The following WWOX variants were observed in gnomAD, a reference collection of about 807,000 sequenced individuals.
The protein encoded by WWOX is WW domain-containing oxidoreductase.
WWOX carries 69 observed loss-of-function variants against 46.2 expected under a neutral mutation model. The ratio of observed to expected loss-of-function variants is 1.49; its 90% CI spans 1.23 to 1.82. WWOX has a LOEUF of 1.82. Ranked by LOEUF, WWOX falls within the 40% of genes most tolerant of loss-of-function variation. The pLI is 0.00. For missense variants in WWOX, 919 were observed against 542.6 expected, an observed-to-expected ratio of 1.69 and a Z score of -6.89; for synonymous variants, 359 against 202.6, an observed-to-expected ratio of 1.77 and a Z score of -6.56.
intron 4 of WWOX, among the ~76,000 whole-genome samples, chr16:78,149,320 T>G (rs1447563264): frequency 6.6e-6 from 1 of 152,204 alleles, no homozygotes; most frequent in Non-Finnish European, 1.5e-5. Flanking sequence ...AGTCTATAAT[T>G]GTAAACTATT....
intron 8 of WWOX, among the ~76,000 whole-genome samples, chr16:78,737,668 C>T (rs1227926313): frequency 6.6e-6 from 1 of 152,114 alleles, no homozygotes; most frequent in East Asian, 1.9e-4. Context: ...TCCCAGTCTA[C>T]AGGGTTATAT....
Position 78,338,038 on chromosome 16 carries a change from T to C in WWOX, c.517-48822T>C, listed in dbSNP as rs776527459. ...GTTTCTTTTGTTCTTTTAAAACATA[T>C]ATAAAATTATTTTTATCAAACATGA... On this transcript the variant is annotated intron_variant, in intron 5 of 8. Transcript: ENST00000566780. Among the ~76,000 whole-genome samples the C allele has an allele frequency of 4.1e-5, 5 of 120,748 alleles. 1 individual carries two copies. The South Asian group carries it at 7.3e-4, about 18-fold the overall frequency. The allele number at this position is 120,748 out of a possible 152,430, so 79.2% of individuals were successfully genotyped here.
At chr16:78,956,630 TATC>T (rs930915774) in intron 8 of WWOX, among the ~76,000 whole-genome samples, 1 of 152,204 alleles carries the variant, frequency 6.6e-6, no homozygotes. Flanking sequence ...TATCATATCA[TATC>T]ATACCGAATA....
At chr16:78,965,495 G>A (rs575951590) in intron 8 of WWOX, among the ~76,000 whole-genome samples, 14 of 151,894 alleles carry the variant, frequency 9.2e-5, no homozygotes, top group African/African-American at 3.1e-4. Context: ...ACTTGAACCC[G>A]GAAAGTAGCG....
intron 8 of WWOX, among the ~76,000 whole-genome samples, chr16:78,522,492 T>C (rs1293556327): frequency 1.3e-5 from 2 of 152,186 alleles, no homozygotes; most frequent in Non-Finnish European, 2.9e-5. Context: ...CCGATGTCAC[T>C]CTTCTCTGTC....
intron 8 of WWOX, among the ~76,000 whole-genome samples, chr16:78,969,269 C>CA (rs2046423541): frequency 7.0e-6 from 1 of 142,594 alleles, no homozygotes; most frequent in South Asian, 2.2e-4. Context: ...CTCTCTCTCT[C>CA]TTTTTTTTTT....
At chr16:78,453,627 G>A (rs2083744399) in intron 8 of WWOX, among the ~76,000 whole-genome samples, 1 of 151,816 alleles carries the variant, frequency 6.6e-6, no homozygotes, top group Non-Finnish European at 1.5e-5. Context: ...CTTCAGCCCT[G>A]CTATTTTTAT....
chr16:79,088,867 A>G (rs944128438), intron 8 of WWOX, among the ~76,000 whole-genome samples: 2 of 152,218 alleles, frequency 1.3e-5, no homozygotes, highest in African/African-American at 4.8e-5. Flanking sequence ...CATCCTTTAA[A>G]GCTTACTGAA....
chr16:78,826,784 T>A (rs2051669579), intron 8 of WWOX, among the ~76,000 whole-genome samples: 1 of 152,162 alleles, frequency 6.6e-6, no homozygotes, highest in South Asian at 2.1e-4. Context: ...GTGGTGAGGT[T>A]TGAGGGGTGG....
chr16:79,136,028 G>T (rs754971803), intron 8 of WWOX, among the ~76,000 whole-genome samples: 1 of 152,090 alleles, frequency 6.6e-6, no homozygotes, highest in African/African-American at 2.4e-5. Context: ...ATTTTTTCCT[G>T]TGCAGCAATT....
intron 8 of WWOX, among the ~76,000 whole-genome samples, chr16:79,153,340 C>A (rs1463919883): frequency 2.0e-5 from 3 of 152,134 alleles, no homozygotes; most frequent in Admixed American, 1.3e-4. Flanking sequence ...TCACGCCAAG[C>A]CGCCCTTTCA....
chr16:78,362,541 G>A (rs527506959), intron 5 of WWOX, among the ~76,000 whole-genome samples: 2 of 152,070 alleles, frequency 1.3e-5, no homozygotes, highest in African/African-American at 2.4e-5. Flanking sequence ...CTCGGGAGGT[G>A]GAGGTAGCAG....
chr16:78,724,287 C>G (rs1332460416), intron 8 of WWOX, among the ~76,000 whole-genome samples: 2 of 152,138 alleles, frequency 1.3e-5, no homozygotes, highest in African/African-American at 4.8e-5. Flanking sequence ...TGGTAAAATA[C>G]AGTAGTTGGA....
chr16:78,616,066 A>G (rs1189646621), intron 8 of WWOX, among the ~76,000 whole-genome samples: 3 of 152,252 alleles, frequency 2.0e-5, no homozygotes, highest in Admixed American at 1.3e-4. Context: ...ATCTTTAAGA[A>G]GAAGATAACA....
At chr16:78,550,028 C>T (rs1375701257) in intron 8 of WWOX, among the ~76,000 whole-genome samples, 1 of 152,210 alleles carries the variant, frequency 6.6e-6, no homozygotes. Flanking sequence ...ACGCAATACA[C>T]ATTCAATAAA....
intron 5 of WWOX, among the ~76,000 whole-genome samples, chr16:78,277,888 C>A (rs541642777): frequency 2.0e-5 from 3 of 152,222 alleles, no homozygotes; most frequent in South Asian, 4.2e-4. Context: ...CATAGCACAA[C>A]CTTTGCTAAC....
chr16:79,087,749 G>C (rs184344116), intron 8 of WWOX, among the ~76,000 whole-genome samples: 2 of 152,308 alleles, frequency 1.3e-5, no homozygotes, highest in Admixed American at 1.3e-4. Flanking sequence ...TCTGGAATTT[G>C]GCCATTTCTC....
At chr16:78,116,162 C>A (rs1039744093) in intron 4 of WWOX, among the ~76,000 whole-genome samples, 3 of 152,120 alleles carry the variant, frequency 2.0e-5, no homozygotes, top group African/African-American at 7.2e-5. Flanking sequence ...TTCAGTTATA[C>A]CCTTTTAGAT....
At chr16:78,266,611 T>C (rs2079367850) in intron 5 of WWOX, among the ~76,000 whole-genome samples, 1 of 152,158 alleles carries the variant, frequency 6.6e-6, no homozygotes, top group African/African-American at 2.4e-5. Context: ...CCTGTAGGGA[T>C]GTAGGTGAGC....
Sources: allele counts gnomAD v4.1 joint callset (sites outside exome capture counted in the v4.1 genomes callset), GRCh38; gene constraint gnomAD v4.1.1; transcripts MANE v1.5; gene names NCBI Gene and HGNC (gene_info 2026-07-23, HGNC 2026-07-21).